The following UCHL5 variants were observed in gnomAD, a reference collection of about 807,000 sequenced individuals.
UCHL5 encodes ubiquitin carboxyl-terminal hydrolase isozyme L5.
A neutral mutation model predicts 53.8 loss-of-function variants in UCHL5; 34 were observed. The observed-to-expected ratio is 0.63, with a 90% CI of 0.48 to 0.84. The LOEUF (loss-of-function observed/expected upper bound fraction) is 0.84. UCHL5 is among the 40% of genes least tolerant of loss of function. The pLI, the probability that UCHL5 is intolerant of heterozygous loss-of-function variation, is 0.00. For synonymous variants in UCHL5, 111 were observed against 126.3 expected (o/e 0.88, Z 0.81); for missense variants, 290 against 385.6 (o/e 0.75, Z 2.08).
upstream of UCHL5, chr1:193,059,518 G>A (rs752691558): frequency 3.8e-6 from 6 of 1,581,852 alleles, no homozygotes; most frequent in Non-Finnish European, 5.2e-6. This position sits in a 1 kb window ranked among gnomAD's most constrained non-coding sequence, Gnocchi z 4.9. Flanking sequence ...GCTGGGGCCT[G>A]AGAAGAAAGG....
At chr1:193,030,111 T>C (rs1205934151) in intron 3 of UCHL5, among the ~76,000 whole-genome samples, 3 of 152,224 alleles carry the variant, frequency 2.0e-5, no homozygotes, top group Admixed American at 6.5e-5. Context: ...TCCACCCTCA[T>C]TTAAATTCCC....
At chr1:193,059,526 A>C (rs750258277), upstream of UCHL5, 40 of 1,571,790 alleles carry the variant, frequency 2.5e-5, no homozygotes, top group Non-Finnish European at 2.9e-5. This position sits in a 1 kb window ranked among gnomAD's most constrained non-coding sequence, Gnocchi z 4.9. Flanking sequence ...CTGAGAAGAA[A>C]GGGCGGTGAT....
intron 3 of UCHL5, among the ~76,000 whole-genome samples, chr1:193,031,456 CT>C (rs1661365094): frequency 6.6e-6 from 1 of 151,994 alleles, no homozygotes. Context: ...TGGTTACTTT[CT>C]TTTTTGATGT....
chr1:193,049,707 G>T (rs1212745554), intron 3 of UCHL5, 39 bp downstream of exon 3: 1 of 1,506,872 alleles, frequency 6.6e-7, no homozygotes, highest in Non-Finnish European at 9.0e-7. Context: ...TATAAAAAGG[G>T]TTGCTCTTGA....
At chr1:193,053,639 T>C (rs953896052) in intron 1 of UCHL5, among the ~76,000 whole-genome samples, 1 of 152,182 alleles carries the variant, frequency 6.6e-6, no homozygotes, top group Non-Finnish European at 1.5e-5. Context: ...GCACCATGCA[T>C]ATATAAAACA....
chr1:193,052,893 T>C (rs1347675331), intron 1 of UCHL5, among the ~76,000 whole-genome samples: 1 of 152,188 alleles, frequency 6.6e-6, no homozygotes, highest in African/African-American at 2.4e-5. Context: ...CTGGGCGCTT[T>C]CTAATTTTTC....
intron 6 of UCHL5, 115 bp downstream of exon 6, chr1:193,029,062 TTA>T: frequency 1.6e-6 from 2 of 1,248,916 alleles, no homozygotes. Flanking sequence ...CTTCATTATA[TTA>T]TGTTACCTCA....
upstream of UCHL5, chr1:193,059,661 T>C: frequency 7.3e-7 from 1 of 1,377,470 alleles, no homozygotes; most frequent in South Asian, 1.2e-5. This position sits in a 1 kb window ranked among gnomAD's most constrained non-coding sequence, Gnocchi z 4.9. Context: ...GTGGGGCTGT[T>C]GCTGTTGCTG....
At chr1:193,045,301 G>C (rs1204378335) in intron 3 of UCHL5, among the ~76,000 whole-genome samples, 2 of 152,200 alleles carry the variant, frequency 1.3e-5, no homozygotes, top group African/African-American at 4.8e-5. Context: ...CTCTAAATTT[G>C]TCCCTGCCCA....
chr1:193,041,445 A>G (rs1665531998), intron 3 of UCHL5, among the ~76,000 whole-genome samples: 1 of 152,188 alleles, frequency 6.6e-6, no homozygotes, highest in Non-Finnish European at 1.5e-5. Flanking sequence ...TTTGGAACCA[A>G]TTAGCTGACA....
At chr1:193,059,574 C>T, upstream of UCHL5, 3 of 1,498,842 alleles carry the variant, frequency 2.0e-6, no homozygotes, top group Non-Finnish European at 2.7e-6. This position sits in a 1 kb window ranked among gnomAD's most constrained non-coding sequence, Gnocchi z 4.9. Flanking sequence ...GATCCTCGCC[C>T]CTCTGGGGCG....
chr1:193,055,466 C>T (rs891756175), intron 1 of UCHL5, among the ~76,000 whole-genome samples: 1 of 152,224 alleles, frequency 6.6e-6, no homozygotes, highest in Middle Eastern at 3.2e-3. Flanking sequence ...GAAAATGAAT[C>T]TCCTGCTGCC....
rs1322012595 is a variant in UCHL5, at chr1:193,015,289, T to C, written c.*1062A>G. 6.6e-6 allele frequency: 1 copy of C among 152,014 alleles called. No individual in the cohort carries two copies. The highest frequency in any genetic ancestry group is 6.6e-5 in the Admixed American group (1 of 15,262). The allele number at this position is 152,014 out of a possible 1,614,324, so 9.4% of individuals were successfully genotyped here. A position where few individuals can be genotyped will look rare whatever the true frequency, so the allele number is the denominator to read the frequency against. On this transcript the variant is annotated 3_prime_UTR_variant, in exon 11 of 11. Transcript: ENST00000367454. ...TACAATAAATAATAAAATGTTAAAG[T>C]CATGTATCAACCTCAGAAATATTCT... is the stretch of plus-strand genomic sequence containing the variant.
chr1:193,033,444 T>C (rs2102528281), intron 3 of UCHL5, among the ~76,000 whole-genome samples: 1 of 152,190 alleles, frequency 6.6e-6, no homozygotes, highest in South Asian at 2.1e-4. Flanking sequence ...GGTCGATCAG[T>C]GCAGTAAACG....
In UCHL5 at chr1:193,023,873, T is replaced by C. The variant is rs1248734076; in HGVS notation, c.703A>G (p.Ile235Val). The C allele has an allele frequency of 1.9e-6, 3 of 1,613,328 alleles. No homozygotes were observed. Among genetic ancestry groups the C allele is most frequent in the Middle Eastern group, 1.7e-4 (1 of 6,060 alleles). ...SDRKMIYEQK[I>V]AELQRQLAEE... The stretch of plus-strand genomic sequence containing the variant: ...GCAAGTTGTCTTTGTAACTCTGCTA[T>C]CTTCTGCTCATATATCATTTTTCTG... The change falls in exon 8 of 11, where the codon ATA becomes GTA. Residue 235 changes from isoleucine to valine, a missense_variant. Coordinates refer to ENST00000367454, the MANE Select transcript of UCHL5 (RefSeq NM_001199261.3).
In UCHL5 at chr1:193,022,975, T is replaced by G. The variant is rs775721003; in HGVS notation, c.794A>C (p.Lys265Thr). Reference sequence around the variant, plus strand: ...TTCTTCTTCAATAAGCATCTGATTTTTGGCAACTTCTGACTGAATAGCACT... The same window carrying G: ...TTCTTCTTCAATAAGCATCTGATTTGTGGCAACTTCTGACTGAATAGCACT... ...MLSAIQSEVA[K>T]NQMLIEEEVQ... is the part of the protein sequence containing the mutation. The change falls in exon 9 of 11, where the codon AAA becomes ACA. Residue 265 changes from lysine (K) to threonine (T), a missense_variant. Physicochemically the swap from Lys to Thr is moderately conservative, Grantham distance 78. Transcript: ENST00000367454. The G allele has an allele frequency of 6.2e-6, 10 of 1,613,324 alleles. No individual in the cohort carries two copies.
chr1:193,043,061 C>A (rs559123123), intron 3 of UCHL5, among the ~76,000 whole-genome samples: 1 of 143,854 alleles, frequency 7.0e-6, no homozygotes, highest in South Asian at 2.3e-4. Context: ...CCCCAGAAAT[C>A]ATCTTGGACC....
At chr1:193,042,951 A>G (rs1452160641) in intron 3 of UCHL5, among the ~76,000 whole-genome samples, 2 of 152,024 alleles carry the variant, frequency 1.3e-5, no homozygotes, top group Non-Finnish European at 2.9e-5. Context: ...TTGGCCAGAG[A>G]CAAGCATACA....
intron 9 of UCHL5, 106 bp downstream of exon 9, chr1:193,022,820 C>A: frequency 1.4e-6 from 1 of 701,476 alleles, no homozygotes; most frequent in Non-Finnish European, 2.4e-6. Flanking sequence ...TATTTGAAAT[C>A]TGGTAAATGA....
Sources: gnomAD v4.1 joint callset for allele counts (sites outside exome capture counted in the v4.1 genomes callset) on GRCh38, gnomAD v4.1.1 for gene constraint, Gnocchi (gnomAD v3.1) non-coding constraint, MANE v1.5 for transcripts, NCBI Gene and HGNC (gene_info 2026-07-23, HGNC 2026-07-21) for gene names.